The following RICTOR variants were observed in gnomAD, a reference collection of about 807,000 sequenced individuals.
RICTOR encodes the protein rapamycin-insensitive companion of mTOR.
RICTOR carries 49 observed loss-of-function variants against 214.9 expected under a neutral mutation model. The observed-to-expected ratio is 0.23, with a 90% confidence interval of 0.18 to 0.29. RICTOR has a LOEUF of 0.29. Ranked by LOEUF, RICTOR falls within the 10% of genes least tolerant of loss-of-function variation. RICTOR has a pLI of 1.00. For missense variants in RICTOR, 1,625 were observed against 2,047.0 expected, an observed-to-expected ratio of 0.79 and a Z score of 3.98; for synonymous variants, 717 against 711.3, an observed-to-expected ratio of 1.01 and a Z score of -0.13.
intron 16 of RICTOR, 90 bp downstream of exon 16, chr5:38,964,702 C>T: frequency 1.7e-6 from 1 of 595,376 alleles, no homozygotes; most frequent in Non-Finnish European, 2.8e-6. Flanking sequence ...CATAACCTAT[C>T]CATACTATTT....
At chr5:38,995,454 A>G (rs1425375139) in intron 6 of RICTOR, among the ~76,000 whole-genome samples, 1 of 152,074 alleles carries the variant, frequency 6.6e-6, no homozygotes, top group African/African-American at 2.4e-5. Context: ...AAGATTACAT[A>G]CGGGGTACAG....
intron 6 of RICTOR, among the ~76,000 whole-genome samples, chr5:38,994,452 A>AAAAAAAAAAAAGG (rs1753025350): frequency 2.0e-5 from 2 of 98,144 alleles, no homozygotes; most frequent in African/African-American, 3.9e-5. Flanking sequence ...AAAAAAAAAA[A>AAAAAAAAAAAAGG]GTGCTTCAGA....
intron 5 of RICTOR, among the ~76,000 whole-genome samples, chr5:38,999,027 CAAAAAAAAAAAAAAA>C (rs1186312478): frequency 7.9e-5 from 2 of 25,342 alleles, no homozygotes; most frequent in Non-Finnish European, 1.5e-4. Context: ...AACAAACAGG[CAAAAAAAAAAAAAAA>C]AAAAAAAAAC....
At chr5:38,948,176 A>G (rs947114358) in intron 31 of RICTOR, among the ~76,000 whole-genome samples, 1 of 152,162 alleles carries the variant, frequency 6.6e-6, no homozygotes, top group Non-Finnish European at 1.5e-5. Flanking sequence ...TATACAAGGC[A>G]CTATGCAAGG....
intron 8 of RICTOR, among the ~76,000 whole-genome samples, chr5:38,980,040 A>G (rs868116624): frequency 8.6e-5 from 13 of 152,036 alleles, no homozygotes; most frequent in Admixed American, 7.2e-4. Flanking sequence ...CTGAATTTTA[A>G]TTTCATTGTG....
intron 36 of RICTOR, chr5:38,943,209 T>A: frequency 2.6e-6 from 1 of 381,990 alleles, no homozygotes; most frequent in Non-Finnish European, 4.7e-6. Flanking sequence ...CTTGTAAAAT[T>A]GAAGCATTCT....
At chr5:38,985,466 T>C (rs767104625) in intron 7 of RICTOR, among the ~76,000 whole-genome samples, 2 of 152,310 alleles carry the variant, frequency 1.3e-5, no homozygotes, top group Middle Eastern at 3.4e-3. Flanking sequence ...TGTATATAAA[T>C]AAATTACTTA....
At chr5:39,040,738 A>G (rs1757105726) in intron 2 of RICTOR, among the ~76,000 whole-genome samples, 1 of 152,134 alleles carries the variant, frequency 6.6e-6, no homozygotes, top group African/African-American at 2.4e-5. Flanking sequence ...GACAGTTATG[A>G]TCTGACCTAG....
intron 2 of RICTOR, among the ~76,000 whole-genome samples, chr5:39,036,845 T>TA (rs1756746077): frequency 6.6e-6 from 1 of 152,156 alleles, no homozygotes; most frequent in African/African-American, 2.4e-5. Context: ...CAAAGAGACT[T>TA]AGACTCCCAC....
At chr5:39,060,059 G>A (rs1411461515) in intron 2 of RICTOR, among the ~76,000 whole-genome samples, 1 of 152,012 alleles carries the variant, frequency 6.6e-6, no homozygotes, top group Admixed American at 6.6e-5. Context: ...TACCTTATTA[G>A]ATGTTATTTT....
intron 2 of RICTOR, among the ~76,000 whole-genome samples, chr5:39,054,070 A>T (rs1310332601): frequency 6.6e-6 from 1 of 152,188 alleles, no homozygotes; most frequent in Admixed American, 6.5e-5. Flanking sequence ...CTACGGTGTG[A>T]GACTCCGTCT....
intron 15 of RICTOR, among the ~76,000 whole-genome samples, chr5:38,965,566 A>G (rs1579936230): frequency 6.6e-6 from 1 of 152,112 alleles, no homozygotes; most frequent in East Asian, 1.9e-4. Flanking sequence ...ATAAAAGCAA[A>G]TAACTCTGAA....
At chr5:38,944,782 T>C (rs1328303227) in intron 35 of RICTOR, 131 bp downstream of exon 35, 5 of 948,688 alleles carry the variant, frequency 5.3e-6, no homozygotes, top group Admixed American at 4.4e-5. Context: ...CAGTGTTAAA[T>C]TGCTTCACTA....
At chr5:39,036,723 C>T (rs1464995844) in intron 2 of RICTOR, among the ~76,000 whole-genome samples, 2 of 152,062 alleles carry the variant, frequency 1.3e-5, no homozygotes, top group Admixed American at 6.6e-5. Flanking sequence ...ACAAAGAAGG[C>T]CATTACATAA....
intron 20 of RICTOR, 48 bp from the exon 21 acceptor site, chr5:38,960,026 G>A: frequency 1.5e-6 from 2 of 1,299,292 alleles, no homozygotes; most frequent in Non-Finnish European, 2.2e-6. Context: ...TTCAAAATCT[G>A]TAATTAGAAA....
chr5:39,016,963 A>C (rs1755008414), intron 3 of RICTOR, among the ~76,000 whole-genome samples: 1 of 152,224 alleles, frequency 6.6e-6, no homozygotes, highest in Non-Finnish European at 1.5e-5. Flanking sequence ...GGCTTAATAA[A>C]AATATTAAAG....
chr5:38,990,969 A>G lies in RICTOR; in HGVS notation c.563T>C (p.Ile188Thr). 6.2e-7 allele frequency: 1 copy of G among 1,602,590 alleles called. No individual in the cohort carries two copies. Among genetic ancestry groups the G allele is most frequent in the Non-Finnish European group, 8.5e-7 (1 of 1,173,756 alleles). ...QERDRMVRAC[I>T]AIICELALQN... The stretch of plus-strand genomic sequence containing the variant: ...CTGACCTAGTTCACAGATAATGGCA[A>G]TGCATGCTCGGACCATTCTGTCTCT... The change falls in exon 7 of 38, where the codon ATT becomes ACT. Residue 188 changes from isoleucine to threonine, a missense_variant. Coordinates refer to ENST00000357387, the MANE Select transcript of RICTOR (RefSeq NM_152756.5).
rs770500691 is a variant in RICTOR at position 38,954,851 on chromosome 5, G to C, written c.2620C>G (p.Pro874Ala). The change falls in exon 27 of 38, where the codon CCT becomes GCT. Residue 874 changes from proline (P) to alanine (A), a missense_variant. Coordinates refer to ENST00000357387, the MANE Select transcript of RICTOR (RefSeq NM_152756.5). ...VRRSNQRLQR[P>A]HVYLPIHLYG... ...AGGTGTATAGGCAGGTAGACGTGAG[G>C]ACGCTGTAATCTAGTATAATAAAGA... is the stretch of plus-strand genomic sequence containing the variant. 6.4e-7 allele frequency: 1 copy of C among 1,573,030 alleles called. No homozygotes were observed.
chr5:38,975,767 C>T (rs900257956), intron 9 of RICTOR, among the ~76,000 whole-genome samples, 163 bp from the exon 10 acceptor site: 1 of 152,130 alleles, frequency 6.6e-6, no homozygotes, highest in African/African-American at 2.4e-5. Flanking sequence ...GCAAATTAGC[C>T]AATTATAAAC....
Sources: gnomAD v4.1 joint callset for allele counts (sites outside exome capture counted in the v4.1 genomes callset) on GRCh38, gnomAD v4.1.1 for gene constraint, MANE v1.5 for transcripts, NCBI Gene and HGNC (gene_info 2026-07-23, HGNC 2026-07-21) for gene names.